SLC28A2: variants seen among roughly 807,000 people sequenced by gnomAD.
SLC28A2 encodes solute carrier family 28 member 2, also known as sodium/nucleoside cotransporter 2.
In SLC28A2, 69 loss-of-function variants were observed where a neutral mutation model predicts 72.9. That is an observed-to-expected ratio of 0.95 (90% confidence interval 0.78 to 1.16). The LOEUF (loss-of-function observed/expected upper bound fraction) is 1.16, where lower values mean the gene tolerates loss of function less well. Among genes scored for constraint, SLC28A2 ranks in the 50% most tolerant of loss-of-function variants. The pLI is 0.00. For missense variants in SLC28A2, 745 were observed against 791.1 expected, an observed-to-expected ratio of 0.94 and a Z score of 0.70; for synonymous variants, 296 against 294.1, an observed-to-expected ratio of 1.01 and a Z score of -0.07.
At chr15:45,267,068 T>C (rs1461941769) in intron 10 of SLC28A2, among the ~76,000 whole-genome samples, 1 of 152,232 alleles carries the variant, frequency 6.6e-6, no homozygotes, top group Non-Finnish European at 1.5e-5. Flanking sequence ...ATGAGTACTG[T>C]TTAAGCATCT....
chr15:45,254,995 C>A (rs1485909941), intron 3 of SLC28A2: 1 of 152,148 alleles, frequency 6.6e-6, no homozygotes, highest in Non-Finnish European at 1.5e-5. Flanking sequence ...TGGCTCATGC[C>A]TGTAATCCCA....
In SLC28A2 at chr15:45,253,302, CA is replaced by C; in HGVS notation, c.81+7del. The stretch of plus-strand genomic sequence containing the variant: ...ACCCGGGGCTGGAGCTCATGGTAAT[CA>C]CCAGTTTAGTTTCTCTCTGCAGAGC... On this transcript the variant is annotated splice_region_variant and intron_variant, in intron 2 of 17. Transcript: ENST00000347644. 1 of 1,609,668 alleles carries C rather than the reference CA, an allele frequency of 6.2e-7. No homozygotes were observed. Among genetic ancestry groups the C allele is most frequent in the East Asian group, 2.2e-5 (1 of 44,864 alleles).
At chr15:45,269,582 G>A (rs780318612) in intron 14 of SLC28A2, 47 bp downstream of exon 14, 2 of 1,519,008 alleles carry the variant, frequency 1.3e-6, no homozygotes, top group Non-Finnish European at 1.8e-6. Context: ...TCTCAGCCAT[G>A]GTTATCTGAG....
At chr15:45,267,835 C>T in intron 12 of SLC28A2, 39 bp downstream of exon 12, 1 of 1,611,734 alleles carries the variant, frequency 6.2e-7, no homozygotes, top group Non-Finnish European at 8.5e-7. Flanking sequence ...AGATGGTGAG[C>T]TGTAGTTAAG....
At position 45,261,408 on chromosome 15, in the gene SLC28A2, A is replaced by G. The variant is rs143549509; in HGVS notation, c.171-607A>G. On this transcript the variant is annotated intron_variant, in intron 3 of 17. Transcript: ENST00000347644. ...TAATAGTAACAGCTCCAGGGGTCTT[A>G]AGAGGAGTCAATGAGTTAGTATTTG... 3.1e-3 allele frequency among the ~76,000 whole-genome samples: 466 copies of G among 152,340 alleles called. 4 individuals carry two copies. Among genetic ancestry groups the G allele is most frequent in the African/African-American group, 0.011 (443 of 41,578 alleles).
rs1179414896 is a variant in SLC28A2 at position 45,266,261 on chromosome 15, A to G, written c.942+100A>G. 5 of 859,566 alleles carry G rather than the reference A, an allele frequency of 5.8e-6. No individual in the cohort carries two copies. The East Asian group carries it at 1.2e-4, about 21-fold the overall frequency. 53.2% of individuals were successfully genotyped at this position (859,566 alleles called of 1,614,324 possible). A position where few individuals can be genotyped will look rare whatever the true frequency, so the allele number is the denominator to read the frequency against. ...TCCTTCTGAAAAGTCAAATAAATGA[A>G]GACTGTGGGGCAGCCAATCTTGGAT... On this transcript the variant is annotated intron_variant, in intron 10 of 17. Coordinates refer to ENST00000347644, the MANE Select transcript of SLC28A2 (RefSeq NM_004212.4).
At chr15:45,270,340 AG>A in intron 15 of SLC28A2, 64 bp downstream of exon 15, 1 of 1,077,282 alleles carries the variant, frequency 9.3e-7, no homozygotes, top group Non-Finnish European at 1.4e-6. Flanking sequence ...TGTAGTGGGC[AG>A]TCCTGGTGCT....
chr15:45,271,167 A>G (rs1469828792), intron 15 of SLC28A2, among the ~76,000 whole-genome samples: 1 of 152,236 alleles, frequency 6.6e-6, no homozygotes, highest in Non-Finnish European at 1.5e-5. Context: ...ATACTGCTGC[A>G]TGGGGGTGAT....
chr15:45,266,227 A>C, intron 10 of SLC28A2, 66 bp downstream of exon 10: 1 of 1,145,266 alleles, frequency 8.7e-7, no homozygotes. Context: ...ACAAAACAAG[A>C]GTATGCTTTC....
At position 45,263,055 on chromosome 15, in the gene SLC28A2, T is replaced by G; in HGVS notation, c.263-6T>G. The G allele has an allele frequency of 1.2e-6, 2 of 1,609,996 alleles. No homozygotes were observed. The highest frequency in any genetic ancestry group is 1.7e-6 in the Non-Finnish European group (2 of 1,178,542). The stretch of plus-strand genomic sequence containing the variant: ...CTGATCTTTACTCTGCTTCTTCTCT[T>G]TTTAGCCTATGCTGCCTATCTCCTG... On this transcript the variant is annotated splice_polypyrimidine_tract_variant and splice_region_variant and intron_variant, in intron 4 of 17. Coordinates refer to ENST00000347644, the MANE Select transcript of SLC28A2 (RefSeq NM_004212.4).
chr15:45,258,771 C>T (rs1900057781), intron 3 of SLC28A2, among the ~76,000 whole-genome samples: 2 of 152,098 alleles, frequency 1.3e-5, no homozygotes, highest in South Asian at 4.2e-4. Flanking sequence ...TTAGTAGTTT[C>T]TATGCTTTTG....
At position 45,264,728 on chromosome 15, in the gene SLC28A2, T is replaced by A; in HGVS notation, c.662T>A (p.Leu221His). 6.2e-7 allele frequency: 1 copy of A among 1,613,798 alleles called. No individual in the cohort carries two copies. Among genetic ancestry groups the A allele is most frequent in the Non-Finnish European group, 8.5e-7 (1 of 1,179,694 alleles). ...GGGATCTTGGTCATCAGAACTGATCTTGGATATACTGTATTTCAGTGGCTG... is the reference window on the plus strand; with the variant it reads ...GGGATCTTGGTCATCAGAACTGATCATGGATATACTGTATTTCAGTGGCTG... ...VFGILVIRTD[L>H]GYTVFQWLGE... The change falls in exon 7 of 18, where the codon CTT (leucine) becomes CAT (histidine). Residue 221 changes from leucine to histidine, a missense_variant. By Grantham distance (99) the Leu-to-His change is moderately conservative. Coordinates refer to ENST00000347644, the MANE Select transcript of SLC28A2 (RefSeq NM_004212.4).
intron 3 of SLC28A2, 40 bp downstream of exon 3, chr15:45,253,560 C>T: frequency 7.2e-7 from 1 of 1,394,640 alleles, no homozygotes; most frequent in Non-Finnish European, 1.0e-6. Flanking sequence ...AGGAAAGGAT[C>T]TAGGGTGGGC....
intron 10 of SLC28A2, among the ~76,000 whole-genome samples, chr15:45,266,551 T>C (rs530752814): frequency 3.0e-4 from 46 of 152,268 alleles, no homozygotes; most frequent in Admixed American, 2.7e-3. Context: ...GGAAATCACT[T>C]ATCTTGCTCA....
intron 3 of SLC28A2, among the ~76,000 whole-genome samples, chr15:45,259,979 A>G (rs886932283): frequency 6.6e-6 from 1 of 152,234 alleles, no homozygotes; most frequent in Non-Finnish European, 1.5e-5. Flanking sequence ...AGCTTTATCT[A>G]GTACATCGGT....
chr15:45,263,959 C>T lies in SLC28A2; in HGVS notation c.525C>T (p.Ile175=). ...LDTAQRPEQL[I]PFAGICMFIL... ...CAGCCCAAAGGCCAGAGCAGCTGAT[C>T]CCCTTTGCAGGAATCTGCATGTTCA... The change falls in exon 6 of 18, where the codon ATC becomes ATT. Residue 175 remains isoleucine (I), a synonymous_variant. Transcript: ENST00000347644. 6.2e-7 allele frequency: 1 copy of T among 1,613,644 alleles called. No homozygotes were observed. Among genetic ancestry groups the T allele is most frequent in the Non-Finnish European group, 8.5e-7 (1 of 1,179,740 alleles).
intron 6 of SLC28A2, among the ~76,000 whole-genome samples, chr15:45,264,437 C>T (rs759307117): frequency 2.1e-4 from 32 of 152,226 alleles, no homozygotes; most frequent in Non-Finnish European, 4.7e-4. Flanking sequence ...TGTCATCTAA[C>T]CTCTAGACAC....
At position 45,262,820 on chromosome 15, in the gene SLC28A2, G is replaced by A. The variant is rs549063732; in HGVS notation, c.263-241G>A. 2.6e-5 allele frequency among the ~76,000 whole-genome samples: 4 copies of A among 152,324 alleles called. No individual in the cohort carries two copies. The South Asian group carries it at 8.3e-4, about 32-fold the overall frequency. On this transcript the variant is annotated intron_variant, in intron 4 of 17. Coordinates refer to ENST00000347644, the MANE Select transcript of SLC28A2 (RefSeq NM_004212.4). Reference sequence around the variant, plus strand: ...TAGAAGGGAATGAGATTTCATTAGGGACCAGTGAAAATATGCAGTCTTTGC... The same window carrying A: ...TAGAAGGGAATGAGATTTCATTAGGAACCAGTGAAAATATGCAGTCTTTGC...
chr15:45,263,019 G>A lies in SLC28A2; in HGVS notation c.263-42G>A, dbSNP rs1190646568. 5 of 1,543,832 alleles carry A rather than the reference G, an allele frequency of 3.2e-6. No individual in the cohort carries two copies. The South Asian group carries it at 5.8e-5, about 18-fold the overall frequency. On this transcript the variant is annotated intron_variant, in intron 4 of 17. Transcript: ENST00000347644. ...CTGGAGTTTCATTTGCCCATTGGAA[G>A]CACTGCCTTGCTGATCTTTACTCTG...
Sources: allele counts gnomAD v4.1 joint callset (sites outside exome capture counted in the v4.1 genomes callset), GRCh38; gene constraint gnomAD v4.1.1; transcripts MANE v1.5; gene names NCBI Gene and HGNC (gene_info 2026-07-23, HGNC 2026-07-21).